Variants in GPC5 observed in about 807,000 individuals in gnomAD.
The protein encoded by GPC5 is glypican 5, also known as glypican-5.
A neutral mutation model predicts 53.9 loss-of-function variants in GPC5; 47 were observed. The ratio of observed to expected loss-of-function variants is 0.87; its 90% CI spans 0.69 to 1.11. GPC5 has a LOEUF of 1.11. Among genes scored for constraint, GPC5 ranks in the 50% most tolerant of loss-of-function variants. GPC5 has a pLI of 0.00. For synonymous variants in GPC5, 286 were observed against 263.3 expected (o/e 1.09, Z -0.84); for missense variants, 748 against 713.1 (o/e 1.05, Z -0.56).
chr13:92,484,694 C>T (rs1383308816), intron 7 of GPC5: 1 of 152,180 alleles, frequency 6.6e-6, no homozygotes, highest in Middle Eastern at 3.4e-3. Flanking sequence ...GAGTTTGGAC[C>T]ATTATAGGTC....
chr13:92,341,561 A>G (rs2043366844), intron 7 of GPC5, among the ~76,000 whole-genome samples: 1 of 152,154 alleles, frequency 6.6e-6, no homozygotes, highest in South Asian at 2.1e-4. Flanking sequence ...CTTCAAAAAT[A>G]TATTGATTGA....
chr13:92,330,177 C>T (rs994867277), intron 7 of GPC5, among the ~76,000 whole-genome samples: 5 of 152,222 alleles, frequency 3.3e-5, no homozygotes, highest in African/African-American at 1.2e-4. Context: ...ACTGAGAAGG[C>T]TCAAGTTGTA....
chr13:92,782,098 A>G (rs1435794529), intron 7 of GPC5, among the ~76,000 whole-genome samples: 1 of 143,420 alleles, frequency 7.0e-6, no homozygotes, highest in African/African-American at 2.5e-5. Context: ...GAAAGGAAAG[A>G]AGGAGTGGGG....
intron 7 of GPC5, among the ~76,000 whole-genome samples, chr13:92,758,841 C>G (rs72641085): frequency 1.3e-5 from 2 of 151,836 alleles, no homozygotes; most frequent in African/African-American, 4.8e-5. Flanking sequence ...ATATTTTCAT[C>G]TAGGAGTTTT....
At chr13:92,684,054 T>C (rs7334046) in intron 7 of GPC5, among the ~76,000 whole-genome samples, 8,420 of 152,166 alleles carry the variant, frequency 0.055, 640 homozygotes, top group East Asian at 0.33. Context: ...AAATCCCCTG[T>C]GCTCTACCTA....
At chr13:92,000,795 C>T (rs1270073122) in intron 6 of GPC5, among the ~76,000 whole-genome samples, 1 of 152,070 alleles carries the variant, frequency 6.6e-6, no homozygotes, top group South Asian at 2.1e-4. Flanking sequence ...TGAGAGGAAC[C>T]ATACCTTTTA....
intron 7 of GPC5, among the ~76,000 whole-genome samples, chr13:92,611,394 G>A (rs556375688): frequency 2.6e-5 from 4 of 152,192 alleles, no homozygotes; most frequent in Admixed American, 1.3e-4. Context: ...TGACTGCTGA[G>A]ATTCCACTTG....
At chr13:92,676,099 T>C (rs933261334) in intron 7 of GPC5, among the ~76,000 whole-genome samples, 19 of 152,180 alleles carry the variant, frequency 1.2e-4, no homozygotes, top group African/African-American at 4.1e-4. Context: ...TCCAACGACA[T>C]GCTATGGCTA....
At chr13:92,775,334 G>T (rs1415133786) in intron 7 of GPC5, among the ~76,000 whole-genome samples, 2 of 152,148 alleles carry the variant, frequency 1.3e-5, no homozygotes, top group Admixed American at 6.5e-5. Flanking sequence ...TTAACATAGT[G>T]ACCAATAAGT....
chr13:92,618,023 G>C (rs1884753864), intron 7 of GPC5, among the ~76,000 whole-genome samples: 1 of 152,108 alleles, frequency 6.6e-6, no homozygotes, highest in African/African-American at 2.4e-5. Context: ...CAGCTCTTAA[G>C]TACTCTTTCT....
intron 7 of GPC5, among the ~76,000 whole-genome samples, chr13:92,526,952 A>C (rs1289343467): frequency 6.6e-6 from 1 of 151,408 alleles, no homozygotes; most frequent in Non-Finnish European, 1.5e-5. Context: ...AACAAGTGTA[A>C]GAAAGAATCA....
chr13:91,712,553 A>G (rs1303814509), intron 3 of GPC5, among the ~76,000 whole-genome samples: 1 of 152,170 alleles, frequency 6.6e-6, no homozygotes. Flanking sequence ...AATCTATGTA[A>G]TTAAAATGCA....
chr13:91,456,247 A>G (rs943610849), intron 2 of GPC5, among the ~76,000 whole-genome samples: 4 of 152,146 alleles, frequency 2.6e-5, no homozygotes, highest in African/African-American at 4.8e-5. Flanking sequence ...CAAACCAAAC[A>G]TACAAAGTAT....
chr13:92,007,805 T>G (rs1225862724), intron 6 of GPC5, among the ~76,000 whole-genome samples: 1 of 152,178 alleles, frequency 6.6e-6, no homozygotes, highest in Non-Finnish European at 1.5e-5. Context: ...TCTTTGTTTA[T>G]TATCTAGACG....
chr13:91,810,799 AT>A (rs1229990825), intron 5 of GPC5, among the ~76,000 whole-genome samples: 1 of 151,940 alleles, frequency 6.6e-6, no homozygotes, highest in Non-Finnish European at 1.5e-5. Context: ...ATAGTAAAAC[AT>A]TAAGGAAAAA....
Position 92,412,960 on chromosome 13 carries a change from C to T in GPC5, c.1561+267971C>T, listed in dbSNP as rs1285087258. On this transcript the variant is annotated intron_variant, in intron 7 of 7. Coordinates refer to ENST00000377067, the MANE Select transcript of GPC5 (RefSeq NM_004466.6). The stretch of plus-strand genomic sequence containing the variant: ...TCCTAAGTATCTTCATTAATAGACA[C>T]ATTACTGTCAGATAAATGCAGAATT... Among the ~76,000 whole-genome samples the T allele has an allele frequency of 2.6e-5, 4 of 152,172 alleles. No individual in the cohort carries two copies. In the East Asian group the frequency reaches 7.7e-4, roughly 29 times the overall value.
intron 6 of GPC5, among the ~76,000 whole-genome samples, chr13:91,944,103 C>CTTTTTTTTTTTTT (rs912358161): frequency 6.8e-6 from 1 of 146,850 alleles, no homozygotes; most frequent in Admixed American, 6.8e-5. Context: ...TTATTTCTTT[C>CTTTTTTTTTTTTT]TTTTTTTTTT....
At chr13:92,651,332 C>T (rs1342626881) in intron 7 of GPC5, among the ~76,000 whole-genome samples, 2 of 151,922 alleles carry the variant, frequency 1.3e-5, no homozygotes, top group Non-Finnish European at 2.9e-5. Context: ...AGTGATATGC[C>T]TTGTTGATAA....
rs567288639 is a variant in GPC5, at chr13:92,550,011, G to A, written c.1562-316271G>A. Among the ~76,000 whole-genome samples, 3 of 151,482 alleles carry A rather than the reference G, an allele frequency of 2.0e-5. 1 individual carries two copies. The South Asian group carries it at 6.2e-4, about 32-fold the overall frequency. On this transcript the variant is annotated intron_variant, in intron 7 of 7. Transcript: ENST00000377067. ...TAACTATAATTCAAGTATACTGAAT[G>A]TTTCCCCCTGTTTCTTAAGCCAGAG...
Sources: allele counts gnomAD v4.1 joint callset (sites outside exome capture counted in the v4.1 genomes callset), GRCh38; gene constraint gnomAD v4.1.1; transcripts MANE v1.5; gene names NCBI Gene and HGNC (gene_info 2026-07-23, HGNC 2026-07-21).